SSH1: variants seen among roughly 807,000 people sequenced by gnomAD.
SSH1 encodes protein phosphatase Slingshot homolog 1.
SSH1 carries 43 observed loss-of-function variants against 79.7 expected under a neutral mutation model. The observed-to-expected ratio is 0.54, with a 90% CI of 0.42 to 0.70. SSH1 has a LOEUF of 0.70. Ranked by LOEUF, SSH1 falls within the 30% of genes least tolerant of loss-of-function variation. The pLI, the probability that SSH1 is intolerant of heterozygous loss-of-function variation, is 0.00. For synonymous variants in SSH1, 599 were observed against 538.3 expected, an observed-to-expected ratio of 1.11 and a Z score of -1.56; for missense variants, 1,206 against 1,358.8, an observed-to-expected ratio of 0.89 and a Z score of 1.77.
chr12:108,791,961 A>G (rs1393872780), intron 14 of SSH1: 12 of 1,317,880 alleles, frequency 9.1e-6, no homozygotes, highest in Non-Finnish European at 1.2e-5. Context: ...TTACATACAC[A>G]AAAAGAAATT....
At chr12:108,852,072 C>G (rs968251485) in intron 2 of SSH1, among the ~76,000 whole-genome samples, 1 of 151,862 alleles carries the variant, frequency 6.6e-6, no homozygotes, top group Admixed American at 6.6e-5. Context: ...CCAAAAAATG[C>G]TCAAAATGGT....
intron 2 of SSH1, among the ~76,000 whole-genome samples, chr12:108,831,276 G>T (rs1413981071): frequency 6.6e-6 from 1 of 152,182 alleles, no homozygotes; most frequent in African/African-American, 2.4e-5. Context: ...ACTGTCAATT[G>T]TCCAGCGAAC....
At chr12:108,852,990 C>G in intron 1 of SSH1, 1 of 985,396 alleles carries the variant, frequency 1.0e-6, no homozygotes, top group African/African-American at 1.7e-5. Context: ...CAGCCCTCAA[C>G]TTTCCGAGGT....
At chr12:108,794,843 C>G (rs930175133) in intron 13 of SSH1, among the ~76,000 whole-genome samples, 3 of 150,232 alleles carry the variant, frequency 2.0e-5, no homozygotes, top group Non-Finnish European at 3.0e-5. Context: ...AAATTGCCCA[C>G]TATCTTCATA....
intron 2 of SSH1, among the ~76,000 whole-genome samples, chr12:108,828,012 CAAA>C (rs2038372647): frequency 6.6e-6 from 1 of 152,188 alleles, no homozygotes; most frequent in Non-Finnish European, 1.5e-5. Context: ...GGTGTGATCC[CAAA>C]CCCTCCAGGC....
chr12:108,856,578 G>T (rs2137307402), intron 1 of SSH1, among the ~76,000 whole-genome samples: 1 of 152,332 alleles, frequency 6.6e-6, no homozygotes, highest in South Asian at 2.1e-4. Context: ...GCACAGACGT[G>T]AAACACAGCC....
intron 2 of SSH1, among the ~76,000 whole-genome samples, chr12:108,852,287 G>A (rs1485585757): frequency 1.3e-5 from 2 of 149,946 alleles, no homozygotes; most frequent in East Asian, 1.9e-4. Context: ...CCAGGCTGGA[G>A]TGCAGTGGCG....
chr12:108,818,174 G>A, intron 4 of SSH1, 75 bp downstream of exon 4: 2 of 1,248,694 alleles, frequency 1.6e-6, no homozygotes, highest in Non-Finnish European at 2.3e-6. Context: ...CTCCAGCCTG[G>A]GCAACAGAGC....
chr12:108,796,677 C>T (rs140368480), intron 13 of SSH1, among the ~76,000 whole-genome samples: 97 of 152,228 alleles, frequency 6.4e-4, no homozygotes, highest in African/African-American at 2.1e-3. Context: ...AATATCTCTC[C>T]GAGACTCTGC....
intron 2 of SSH1, among the ~76,000 whole-genome samples, chr12:108,836,150 T>A (rs1289369487): frequency 6.6e-6 from 1 of 150,866 alleles, no homozygotes; most frequent in Non-Finnish European, 1.5e-5. Context: ...ACAATGGGAG[T>A]CATGAATATG....
At chr12:108,836,260 C>A (rs1260582820) in intron 2 of SSH1, among the ~76,000 whole-genome samples, 1 of 151,916 alleles carries the variant, frequency 6.6e-6, no homozygotes, top group African/African-American at 2.4e-5. Flanking sequence ...TATAGATGCA[C>A]GTGTGTGTGT....
At chr12:108,821,492 C>CAT (rs1006043962) in intron 3 of SSH1, among the ~76,000 whole-genome samples, 202 of 151,706 alleles carry the variant, frequency 1.3e-3, no homozygotes, top group African/African-American at 4.6e-3. Context: ...GATAGTTACC[C>CAT]ATATATATAT....
rs916897276 is a variant in SSH1 at position 108,807,327 on chromosome 12, T to C, written c.731+306A>G. Among the ~76,000 whole-genome samples the C allele has an allele frequency of 1.3e-5, 2 of 151,720 alleles. No homozygotes were observed. The highest frequency in any genetic ancestry group is 2.9e-5 in the Non-Finnish European group (2 of 67,962). ...CCAGACCACAGAGCTCTGGAAGGAG[T>C]TGGGGACACAAAGGGCCACACATTC... On this transcript the variant is annotated intron_variant, in intron 8 of 14. Transcript: ENST00000326495. This position sits in a 1 kb window ranked among gnomAD's most constrained non-coding sequence, Gnocchi z 5.2.
chr12:108,798,928 A>T (rs896172994), intron 13 of SSH1, 72 bp downstream of exon 13: 10 of 1,557,576 alleles, frequency 6.4e-6, no homozygotes. Flanking sequence ...CTGCCGACAG[A>T]GGCCTGGCTG....
In SSH1 at chr12:108,787,619, C is replaced by T. The variant is rs772983628; in HGVS notation, c.*369G>A. The T allele has an allele frequency of 1.5e-5, 4 of 275,430 alleles. No individual in the cohort carries two copies. Among genetic ancestry groups the T allele is most frequent in the African/African-American group, 2.2e-5 (1 of 45,162 alleles). The allele number at this position is 275,430 out of a possible 1,614,324, so 17.1% of individuals were successfully genotyped here. A position where few individuals can be genotyped will look rare whatever the true frequency, so the allele number is the denominator to read the frequency against. On this transcript the variant is annotated 3_prime_UTR_variant, in exon 15 of 15. Transcript: ENST00000326495. ...GCCAAGAATGAGCTAGAACGTGTGCCGCGGTGAGGCTGCCACCACCAGGAC... is the reference window on the plus strand; with the variant it reads ...GCCAAGAATGAGCTAGAACGTGTGCTGCGGTGAGGCTGCCACCACCAGGAC...
chr12:108,844,527 T>G (rs1257553076), intron 2 of SSH1, among the ~76,000 whole-genome samples: 1 of 152,180 alleles, frequency 6.6e-6, no homozygotes, highest in Non-Finnish European at 1.5e-5. Context: ...GAAGCCTACT[T>G]GTTTACATGT....
chr12:108,781,887 G>C lies in SSH1; in HGVS notation c.*6101C>G, dbSNP rs1244834074. 2 of 152,380 alleles carry C rather than the reference G, an allele frequency of 1.3e-5. No homozygotes were observed. Among genetic ancestry groups the C allele is most frequent in the South Asian group, 4.1e-4 (2 of 4,824 alleles). The allele number at this position is 152,380 out of a possible 1,614,324, so 9.4% of individuals were successfully genotyped here. On this transcript the variant is annotated 3_prime_UTR_variant, in exon 15 of 15. Coordinates refer to ENST00000326495, the MANE Select transcript of SSH1 (RefSeq NM_018984.4). ...CCAGCACTTTGGGAGGCCAAGGTGG[G>C]AGGATCACTTGAAGACAGGAATTAA... is the stretch of plus-strand genomic sequence containing the variant.
At chr12:108,840,528 C>A (rs1267251608) in intron 2 of SSH1, among the ~76,000 whole-genome samples, 7 of 149,650 alleles carry the variant, frequency 4.7e-5, no homozygotes, top group Admixed American at 4.7e-4. Context: ...GCAAGACTGT[C>A]TCAAAAAAAA....
At chr12:108,799,596 C>T (rs1363649878) in intron 12 of SSH1, among the ~76,000 whole-genome samples, 1 of 152,184 alleles carries the variant, frequency 6.6e-6, no homozygotes, top group East Asian at 1.9e-4. Flanking sequence ...GGGATTTCTG[C>T]AAGAGCTACT....
Sources: gnomAD v4.1 joint callset for allele counts (sites outside exome capture counted in the v4.1 genomes callset) on GRCh38, gnomAD v4.1.1 for gene constraint, Gnocchi (gnomAD v3.1) non-coding constraint, MANE v1.5 for transcripts, NCBI Gene and HGNC (gene_info 2026-07-23, HGNC 2026-07-21) for gene names.